The following FGF13 variants were observed in gnomAD, a reference collection of about 807,000 sequenced individuals.
FGF13 encodes fibroblast growth factor 13.
Under a neutral mutation model 19.5 loss-of-function variants are expected in FGF13, and 2 were observed. The ratio of observed to expected loss-of-function variants is 0.10; its 90% CI spans 0.04 to 0.32. FGF13 has a LOEUF of 0.32. FGF13 is among the 10% of genes least tolerant of loss of function. The pLI, the probability that FGF13 is intolerant of heterozygous loss-of-function variation, is 1.00. For synonymous variants in FGF13, 72 were observed against 76.9 expected (o/e 0.94, Z 0.33); for missense variants, 113 against 192.7 (o/e 0.59, Z 2.45).
At chrX:138,991,409 G>A (rs1382887007) in intron 1 of FGF13, among the ~76,000 whole-genome samples, 1 of 111,960 alleles carries the variant, frequency 8.9e-6, no homozygotes, top group East Asian at 2.8e-4. Context: ...ATTCTGGTCA[G>A]GACCCTTTTC....
rs1473936160 is a variant in FGF13, at chrX:138,628,926, G to A, written c.*3924C>T. 8.9e-6 allele frequency: 1 copy of A among 111,873 alleles called. No individual in the cohort carries two copies. Among genetic ancestry groups the A allele is most frequent in the Non-Finnish European group, 1.9e-5 (1 of 53,207 alleles). 9.2% of individuals were successfully genotyped at this position (111,873 alleles called of 1,213,427 possible). On this transcript the variant is annotated 3_prime_UTR_variant, in exon 5 of 5. Transcript: ENST00000315930. The stretch of plus-strand genomic sequence containing the variant: ...GGGAGGGGGAATTGGAGCCTGTTTT[G>A]CTTTTAAAAAGTTGCAAAAAGCCTG...
At chrX:139,073,142 C>A (rs866421222) in intron 1 of FGF13, among the ~76,000 whole-genome samples, 6 of 105,204 alleles carry the variant, frequency 5.7e-5, no homozygotes, top group African/African-American at 6.9e-5. Flanking sequence ...TTCCCCCCCC[C>A]CTTTTCTGTG....
At chrX:138,800,324 C>T (rs767111582) in intron 3 of FGF13, among the ~76,000 whole-genome samples, 8 of 111,729 alleles carry the variant, frequency 7.2e-5, no homozygotes, top group Non-Finnish European at 1.5e-4. Context: ...ATTTCTGCTT[C>T]GCTTATGAAG....
At chrX:138,687,214 C>T (rs1488575991) in intron 3 of FGF13, among the ~76,000 whole-genome samples, 1 of 111,829 alleles carries the variant, frequency 8.9e-6, no homozygotes, top group Non-Finnish European at 1.9e-5. Context: ...AGACAACCTA[C>T]AGAATGGGAG....
At chrX:139,061,710 C>T (rs2092336683) in intron 1 of FGF13, among the ~76,000 whole-genome samples, 1 of 111,634 alleles carries the variant, frequency 9.0e-6, no homozygotes, top group Admixed American at 9.5e-5. Context: ...CCCTTTTGCC[C>T]ATATCCTTGC....
At chrX:138,985,878 C>CT (rs1218735052) in intron 1 of FGF13, among the ~76,000 whole-genome samples, 1 of 111,827 alleles carries the variant, frequency 8.9e-6, no homozygotes, top group Non-Finnish European at 1.9e-5. Context: ...TTAAACGTGA[C>CT]TTTTTTTCTA....
At chrX:138,746,218 C>A (rs1369487249) in intron 3 of FGF13, among the ~76,000 whole-genome samples, 2 of 110,181 alleles carry the variant, frequency 1.8e-5, no homozygotes, top group Non-Finnish European at 3.8e-5. Context: ...AGGTTTTACA[C>A]CAGAAAGGAA....
chrX:138,796,603 G>A (rs2090780326), intron 3 of FGF13, among the ~76,000 whole-genome samples: 1 of 111,488 alleles, frequency 9.0e-6, no homozygotes, highest in Non-Finnish European at 1.9e-5. Flanking sequence ...GGGATTTCTG[G>A]GTCAAATGGT....
chrX:139,090,169 C>T (rs951949354), intron 1 of FGF13, among the ~76,000 whole-genome samples: 1 of 111,802 alleles, frequency 8.9e-6, no homozygotes, highest in Admixed American at 9.4e-5. Context: ...GCACCATGAC[C>T]ACAGCAGCTG....
At chrX:138,941,044 G>T (rs1259722973) in intron 1 of FGF13, among the ~76,000 whole-genome samples, 1 of 110,984 alleles carries the variant, frequency 9.0e-6, no homozygotes, top group Non-Finnish European at 1.9e-5. Flanking sequence ...AATAAACTAG[G>T]CATTGAAGGA....
chrX:138,884,224 T>C (rs780399223), intron 1 of FGF13, among the ~76,000 whole-genome samples: 2 of 112,310 alleles, frequency 1.8e-5, no homozygotes, highest in South Asian at 7.4e-4. Flanking sequence ...CCTGGTCTTA[T>C]ACCTTAGAAG....
At chrX:138,671,430 C>T (rs2089610703) in intron 3 of FGF13, among the ~76,000 whole-genome samples, 1 of 111,808 alleles carries the variant, frequency 8.9e-6, no homozygotes, top group Non-Finnish European at 1.9e-5. Context: ...TTATCCATTA[C>T]ATTGATTGAG....
At chrX:139,198,325 A>C (rs768806400) in intron 1 of FGF13, among the ~76,000 whole-genome samples, 1 of 111,725 alleles carries the variant, frequency 9.0e-6, no homozygotes, top group East Asian at 2.8e-4. Flanking sequence ...CCACAAAATA[A>C]AGGACAGACA....
chrX:138,669,019 C>A, intron 3 of FGF13, among the ~76,000 whole-genome samples: 1 of 110,883 alleles, frequency 9.0e-6, no homozygotes, highest in Non-Finnish European at 1.9e-5. Context: ...AAAGGTGAAG[C>A]TGAATAATTT....
intron 1 of FGF13, among the ~76,000 whole-genome samples, chrX:139,006,640 T>C (rs1053906488): frequency 2.7e-5 from 3 of 111,608 alleles, no homozygotes; most frequent in African/African-American, 9.8e-5. Context: ...TTCCAAGACA[T>C]AGACATTACA....
At chrX:139,063,883 T>A (rs1341559461) in intron 1 of FGF13, among the ~76,000 whole-genome samples, 2 of 111,719 alleles carry the variant, frequency 1.8e-5, no homozygotes, top group Non-Finnish European at 3.8e-5. Flanking sequence ...GTTATTCAAA[T>A]CTTCCATACC....
chrX:139,192,341 C>A (rs959339393), intron 1 of FGF13, among the ~76,000 whole-genome samples: 1 of 111,778 alleles, frequency 8.9e-6, no homozygotes. Context: ...TACATAATTT[C>A]TAGGGGAGTC....
intron 1 of FGF13, among the ~76,000 whole-genome samples, chrX:139,019,884 T>G (rs2092170274): frequency 9.1e-6 from 1 of 110,177 alleles, no homozygotes; most frequent in African/African-American, 3.3e-5. Context: ...TATTGCAGAA[T>G]TTTGCTAGGA....
chrX:139,125,554 T>C (rs2083709582), intron 1 of FGF13, among the ~76,000 whole-genome samples: 1 of 112,040 alleles, frequency 8.9e-6, no homozygotes, highest in Admixed American at 9.5e-5. Flanking sequence ...AACATTAAGT[T>C]GCAGCAATTA....
Sources: gnomAD v4.1 joint callset for allele counts (sites outside exome capture counted in the v4.1 genomes callset) on GRCh38, gnomAD v4.1.1 for gene constraint, MANE v1.5 for transcripts, NCBI Gene and HGNC (gene_info 2026-07-23, HGNC 2026-07-21) for gene names.